Variants in ARHGAP31 observed in about 807,000 individuals in gnomAD.
ARHGAP31 encodes rho GTPase-activating protein 31.
In ARHGAP31, 34 loss-of-function variants were observed where a neutral mutation model predicts 113.9. The observed-to-expected ratio is 0.30, with a 90% CI of 0.23 to 0.40. The LOEUF is 0.40. Among genes scored for constraint, ARHGAP31 ranks in the 10% least tolerant of loss-of-function variants. ARHGAP31 has a pLI of 1.00. For missense variants in ARHGAP31, 1,548 were observed against 1,767.1 expected (o/e 0.88, Z 2.22); for synonymous variants, 650 against 684.8 (o/e 0.95, Z 0.79).
intron 3 of ARHGAP31, among the ~76,000 whole-genome samples, chr3:119,377,918 G>A (rs146144973): frequency 3.2e-4 from 48 of 152,266 alleles, no homozygotes; most frequent in Non-Finnish European, 5.3e-4. Context: ...GACTGTCTGC[G>A]TTGGGCCACC....
chr3:119,379,700 T>C (rs2080378401), intron 3 of ARHGAP31, among the ~76,000 whole-genome samples: 1 of 152,240 alleles, frequency 6.6e-6, no homozygotes, highest in Non-Finnish European at 1.5e-5. Context: ...TGTGAATTCA[T>C]GATCTTAGAG....
In ARHGAP31 at chr3:119,409,745, C is replaced by A; in HGVS notation, c.1895C>A (p.Ala632Asp). Residue 632 changes from alanine to aspartate, a missense_variant, in exon 11 of 12, where the codon GCC (alanine) becomes GAC (aspartate). By Grantham distance (126) the Ala-to-Asp change is moderately radical. Coordinates refer to ENST00000264245, the MANE Select transcript of ARHGAP31 (RefSeq NM_020754.4). Reference protein sequence around the residue: ...ESSTLQESPRARAEAVLLHEM... With the variant: ...ESSTLQESPRDRAEAVLLHEM... Reference sequence around the variant, plus strand: ...AGCACCCTGCAGGAGAGCCCCAGGGCCAGAGCCGAAGCTGTGCTTCTCCAT... The same window carrying A: ...AGCACCCTGCAGGAGAGCCCCAGGGACAGAGCCGAAGCTGTGCTTCTCCAT... 1 of 1,607,138 alleles carries A rather than the reference C, an allele frequency of 6.2e-7. No homozygotes were observed. Among genetic ancestry groups the A allele is most frequent in the Non-Finnish European group, 8.5e-7 (1 of 1,177,392 alleles).
At chr3:119,340,877 G>C (rs58374436) in intron 1 of ARHGAP31, among the ~76,000 whole-genome samples, 42,216 of 151,942 alleles carry the variant, frequency 0.28, 7,585 homozygotes, top group African/African-American at 0.52. Flanking sequence ...ATGTTTTTCC[G>C]AACACATATC....
chr3:119,310,656 T>C (rs904630027), intron 1 of ARHGAP31, among the ~76,000 whole-genome samples: 2 of 152,292 alleles, frequency 1.3e-5, no homozygotes, highest in South Asian at 2.1e-4. Flanking sequence ...TGGAACAGTT[T>C]TATCCCAAAA....
chr3:119,303,325 T>C (rs2079601512), intron 1 of ARHGAP31, among the ~76,000 whole-genome samples: 1 of 152,064 alleles, frequency 6.6e-6, no homozygotes, highest in South Asian at 2.1e-4. Flanking sequence ...CCCACAGGGG[T>C]TCATAGCTAC....
intron 1 of ARHGAP31, among the ~76,000 whole-genome samples, chr3:119,311,859 T>G (rs1312136250): frequency 1.3e-5 from 2 of 152,206 alleles, no homozygotes; most frequent in Admixed American, 1.3e-4. Context: ...CAGTTCTGAC[T>G]CAGAGGAGTG....
chr3:119,328,176 T>G (rs111283235), intron 1 of ARHGAP31, among the ~76,000 whole-genome samples: 1 of 152,332 alleles, frequency 6.6e-6, no homozygotes. Flanking sequence ...TAAAATATAA[T>G]TATGGCTCAA....
chr3:119,362,119 G>C (rs1031783686), intron 1 of ARHGAP31, among the ~76,000 whole-genome samples: 4 of 152,210 alleles, frequency 2.6e-5, no homozygotes, highest in Admixed American at 6.5e-5. Flanking sequence ...CTGAGAACGG[G>C]CTGGAACAGG....
Position 119,336,018 on chromosome 3 carries a change from C to CA in ARHGAP31, c.101-29290dup, listed in dbSNP as rs112258902. Among the ~76,000 whole-genome samples the CA allele has an allele frequency of 7.8e-3, 1,177 of 151,704 alleles. 13 individuals carry two copies. Among genetic ancestry groups the CA allele is most frequent in the African/African-American group, 0.027 (1,132 of 41,406 alleles). ...TGAAATCCCCTCTCTACTAAAAATA[C>CA]AAAAAAAATAGCCAGGCTTGGTGGC... On this transcript the variant is annotated intron_variant, in intron 1 of 11. Coordinates refer to ENST00000264245, the MANE Select transcript of ARHGAP31 (RefSeq NM_020754.4).
intron 1 of ARHGAP31, among the ~76,000 whole-genome samples, chr3:119,350,924 A>T (rs2080105238): frequency 6.6e-6 from 1 of 152,174 alleles, no homozygotes; most frequent in Admixed American, 6.5e-5. Flanking sequence ...GCAGATAGAA[A>T]CCGAATCTGC....
chr3:119,359,745 G>A (rs56665819), intron 1 of ARHGAP31, among the ~76,000 whole-genome samples: 30,817 of 151,988 alleles, frequency 0.2, 4,519 homozygotes, highest in African/African-American at 0.42. Context: ...GGGGGGAAAC[G>A]CCTAGGAAGT....
In ARHGAP31 at chr3:119,351,194, A is replaced by G. The variant is rs376497440; in HGVS notation, c.101-14122A>G. On this transcript the variant is annotated intron_variant, in intron 1 of 11. Coordinates refer to ENST00000264245, the MANE Select transcript of ARHGAP31 (RefSeq NM_020754.4). ...CCTAGGGGAATTCAAAGAAGAGGAA[A>G]GTTACTCTCCTAAAAGGTCAAGAAT... 9.2e-5 allele frequency among the ~76,000 whole-genome samples: 14 copies of G among 152,320 alleles called. No individual in the cohort carries two copies. The South Asian group carries it at 2.9e-3, about 32-fold the overall frequency.
At position 119,415,113 on chromosome 3, in the gene ARHGAP31, G is replaced by A. The variant is rs1345639430; in HGVS notation, c.3184G>A (p.Val1062Ile). ...CAGTCCACAGATTAGGCAAGGTGGTGTTCCTGGGCCAGAGAGCAGCAAGGA... is the reference window on the plus strand; with the variant it reads ...CAGTCCACAGATTAGGCAAGGTGGTATTCCTGGGCCAGAGAGCAGCAAGGA... ...HSSPQIRQGG[V>I]PGPESSKESS... is the part of the protein sequence containing the mutation. The change falls in exon 12 of 12, where the codon GTT becomes ATT. Residue 1062 changes from valine (V) to isoleucine (I), a missense_variant. Val to Ile is a conservative substitution (Grantham distance 29). Coordinates refer to ENST00000264245, the MANE Select transcript of ARHGAP31 (RefSeq NM_020754.4). 24 of 1,614,104 alleles carry A rather than the reference G, an allele frequency of 1.5e-5. No homozygotes were observed. In the Admixed American group the frequency reaches 3.5e-4, roughly 24 times the overall value.
At chr3:119,343,284 A>G (rs1347709382) in intron 1 of ARHGAP31, among the ~76,000 whole-genome samples, 3 of 152,196 alleles carry the variant, frequency 2.0e-5, no homozygotes, top group Admixed American at 1.3e-4. Flanking sequence ...ACTGGGCTTA[A>G]ATACCTGCCC....
At chr3:119,297,670 T>G (rs565011256) in intron 1 of ARHGAP31, among the ~76,000 whole-genome samples, 6 of 152,224 alleles carry the variant, frequency 3.9e-5, no homozygotes, top group South Asian at 4.1e-4. Flanking sequence ...CATCTGAACA[T>G]GGGGACGCCA....
intron 1 of ARHGAP31, among the ~76,000 whole-genome samples, chr3:119,331,126 G>A (rs1186854407): frequency 6.6e-6 from 1 of 152,146 alleles, no homozygotes; most frequent in African/African-American, 2.4e-5. Flanking sequence ...CTGATGGCCT[G>A]CCCTTGGTCA....
At chr3:119,409,876 A>G (rs2080701411) in intron 11 of ARHGAP31, 100 bp downstream of exon 11, 3 of 1,286,480 alleles carry the variant, frequency 2.3e-6, no homozygotes, top group South Asian at 1.5e-5. Context: ...TTTTTTTTGA[A>G]AAATCAGTTT....
intron 6 of ARHGAP31, 22 bp downstream of exon 6, chr3:119,383,248 C>G: frequency 6.2e-7 from 1 of 1,613,768 alleles, no homozygotes; most frequent in Non-Finnish European, 8.5e-7. Context: ...TCCTAGCATA[C>G]ACTCCACCAG....
intron 1 of ARHGAP31, among the ~76,000 whole-genome samples, chr3:119,335,649 T>TG (rs1294575942): frequency 2.6e-5 from 4 of 151,966 alleles, no homozygotes; most frequent in East Asian, 1.9e-4. Flanking sequence ...CACACAGCAG[T>TG]GGGGGTCTGC....
Sources: gnomAD v4.1 joint callset for allele counts (sites outside exome capture counted in the v4.1 genomes callset) on GRCh38, gnomAD v4.1.1 for gene constraint, MANE v1.5 for transcripts, NCBI Gene and HGNC (gene_info 2026-07-23, HGNC 2026-07-21) for gene names.